TFAP2B: variants seen among roughly 807,000 people sequenced by gnomAD.
TFAP2B encodes the protein transcription factor AP-2 beta, also known as transcription factor AP-2-beta.
TFAP2B carries 9 observed loss-of-function variants against 44.3 expected under a neutral mutation model. That is an observed-to-expected ratio of 0.20 (90% CI 0.12 to 0.35). TFAP2B has a LOEUF of 0.35. Among genes scored for constraint, TFAP2B ranks in the 10% least tolerant of loss-of-function variants. TFAP2B has a pLI of 1.00. For synonymous variants in TFAP2B, 270 were observed against 263.8 expected, an observed-to-expected ratio of 1.02 and a Z score of -0.23; for missense variants, 509 against 600.0, an observed-to-expected ratio of 0.85 and a Z score of 1.59.
chr6:50,834,437 A>C (rs975861961), intron 3 of TFAP2B, among the ~76,000 whole-genome samples: 2 of 152,242 alleles, frequency 1.3e-5, no homozygotes, highest in Non-Finnish European at 2.9e-5. Flanking sequence ...TAGTAGCAGA[A>C]GGGAATGTTT....
At chr6:50,837,420 A>G (rs1762644347) in intron 4 of TFAP2B, among the ~76,000 whole-genome samples, 2 of 152,226 alleles carry the variant, frequency 1.3e-5, no homozygotes, top group South Asian at 4.1e-4. Context: ...TGCTTATCAC[A>G]TAACTACACT....
At position 50,843,322 on chromosome 6, in the gene TFAP2B, C is replaced by G; in HGVS notation, c.1313C>G (p.Thr438Ser). The G allele has an allele frequency of 1.9e-6, 3 of 1,614,138 alleles. No homozygotes were observed. Among genetic ancestry groups the G allele is most frequent in the Non-Finnish European group, 8.5e-7 (1 of 1,180,046 alleles). ...MDKMFLNNTT[T>S]NRHTSGEGPG... ...AAGATGTTCTTGAACAACACCACCA[C>G]TAACAGGCACACGTCTGGGGAAGGC... The change falls in exon 7 of 7, where the codon ACT becomes AGT. Residue 438 changes from threonine to serine, a missense_variant. This residue lies in a region of TFAP2B where 168 missense variants were observed against 183.2 expected (regional missense o/e 0.92). Coordinates refer to ENST00000393655, the MANE Select transcript of TFAP2B (RefSeq NM_003221.4).
In TFAP2B at chr6:50,823,398, C is replaced by G. The variant is rs375978999; in HGVS notation, c.82-9C>G. ...CTGGCTCTCTTCCCCTTCCTCTCTC[C>G]GCTCCCAGGACCGGCACGATGGTGT... On this transcript the variant is annotated splice_polypyrimidine_tract_variant and intron_variant, in intron 1 of 6. Transcript: ENST00000393655. 14 of 1,576,438 alleles carry G rather than the reference C, an allele frequency of 8.9e-6. No homozygotes were observed. The highest frequency in any genetic ancestry group is 1.1e-5 in the Non-Finnish European group (13 of 1,161,376).
chr6:50,837,384 G>A (rs1403247206), intron 4 of TFAP2B, among the ~76,000 whole-genome samples: 2 of 152,162 alleles, frequency 1.3e-5, no homozygotes, highest in African/African-American at 4.8e-5. Context: ...AATTTGCAGA[G>A]ATGAAGTAAA....
At chr6:50,820,391 G>C (rs76542336) in intron 1 of TFAP2B, among the ~76,000 whole-genome samples, 1 of 151,280 alleles carries the variant, frequency 6.6e-6, no homozygotes, top group African/African-American at 2.4e-5. Flanking sequence ...CACACCTCCT[G>C]CCCCCCCCCG....
chr6:50,823,538 AC>A lies in TFAP2B; in HGVS notation c.219del (p.Tyr74ThrfsTer22). On this transcript the variant is annotated frameshift_variant, in exon 2 of 7. Transcript: ENST00000393655. LOFTEE classifies it high-confidence loss of function. Reference sequence around the variant, plus strand: ...CGGACTTCCAGCCGCCCTACTTCCCACCCCCCTACCAGCCGCTCCCCTACCA... The same window carrying A: ...CGGACTTCCAGCCGCCCTACTTCCCACCCCCTACCAGCCGCTCCCCTACCA... Reference protein sequence around the residue: ...SSDFQPPYFPPPYQPLPYHQS... With the variant: ...SSDFQPPYFPXPYQPLPYHQS... 2 of 1,575,540 alleles carry A rather than the reference AC, an allele frequency of 1.3e-6. No homozygotes were observed. Among genetic ancestry groups the A allele is most frequent in the Non-Finnish European group, 1.7e-6 (2 of 1,164,428 alleles).
chr6:50,836,319 AC>A (rs750275806), intron 4 of TFAP2B, 39 bp downstream of exon 4: 12 of 1,548,482 alleles, frequency 7.7e-6, no homozygotes, highest in Non-Finnish European at 1.1e-5. Flanking sequence ...AAACAAAAAA[AC>A]AAACAAAAAC....
intron 1 of TFAP2B, among the ~76,000 whole-genome samples, chr6:50,820,264 G>C (rs944274328): frequency 6.6e-6 from 1 of 152,212 alleles, no homozygotes; most frequent in South Asian, 2.1e-4. Flanking sequence ...GACAGCTCCT[G>C]AAAGCCCGGC....
chr6:50,831,934 T>A (rs868657415), intron 3 of TFAP2B, among the ~76,000 whole-genome samples: 1 of 152,200 alleles, frequency 6.6e-6, no homozygotes, highest in Non-Finnish European at 1.5e-5. Flanking sequence ...CAGTTCATCC[T>A]CCATTCTCTC....
chr6:50,832,509 G>C (rs529699351), intron 3 of TFAP2B, among the ~76,000 whole-genome samples: 12 of 152,240 alleles, frequency 7.9e-5, no homozygotes, highest in Non-Finnish European at 1.8e-4. Context: ...TTACACTCAG[G>C]TACATGAGGA....
At position 50,843,319 on chromosome 6, in the gene TFAP2B, C is replaced by G; in HGVS notation, c.1310C>G (p.Thr437Ser). 8 of 1,614,130 alleles carry G rather than the reference C, an allele frequency of 5.0e-6. No homozygotes were observed. The highest frequency in any genetic ancestry group is 1.7e-5 in the Admixed American group (1 of 60,020). ...GMDKMFLNNT[T>S]TNRHTSGEGP... Reference sequence around the variant, plus strand: ...GACAAGATGTTCTTGAACAACACCACCACTAACAGGCACACGTCTGGGGAA... The same window carrying G: ...GACAAGATGTTCTTGAACAACACCAGCACTAACAGGCACACGTCTGGGGAA... The change falls in exon 7 of 7, where the codon ACC (threonine) becomes AGC (serine). Residue 437 changes from threonine (T) to serine (S), a missense_variant. Thr to Ser is a moderately conservative substitution (Grantham distance 58). Transcript: ENST00000393655.
chr6:50,836,446 G>A (rs1209673399), intron 4 of TFAP2B, among the ~76,000 whole-genome samples, 166 bp downstream of exon 4: 1 of 152,234 alleles, frequency 6.6e-6, no homozygotes, highest in East Asian at 1.9e-4. Flanking sequence ...CGCAGCGCTT[G>A]GGAGGATCCG....
chr6:50,823,951 T>G, intron 2 of TFAP2B, 86 bp downstream of exon 2: 1 of 1,405,866 alleles, frequency 7.1e-7, no homozygotes, highest in Non-Finnish European at 9.7e-7. Context: ...AGAGGGCAGC[T>G]CTGTCTCTTT....
At chr6:50,825,408 C>A (rs1013344474) in intron 2 of TFAP2B, among the ~76,000 whole-genome samples, 14 of 151,986 alleles carry the variant, frequency 9.2e-5, no homozygotes, top group African/African-American at 3.4e-4. Context: ...AACTCATCAC[C>A]ATTACTGTTG....
At position 50,843,481 on chromosome 6, in the gene TFAP2B, G is replaced by A. The variant is rs372130507; in HGVS notation, c.*89G>A. ...ATTTTAGCTTTAAAATATTGGATTG[G>A]CTTTGGAAGAATTATATTAGGTAGA... On this transcript the variant is annotated 3_prime_UTR_variant, in exon 7 of 7. Coordinates refer to ENST00000393655, the MANE Select transcript of TFAP2B (RefSeq NM_003221.4). The A allele has an allele frequency of 5.9e-6, 8 of 1,364,124 alleles. No homozygotes were observed. The East Asian group carries it at 1.0e-4, about 17-fold the overall frequency. 84.5% of individuals were successfully genotyped at this position (1,364,124 alleles called of 1,614,324 possible).
chr6:50,829,210 G>A (rs1414850090), intron 3 of TFAP2B, among the ~76,000 whole-genome samples: 1 of 152,128 alleles, frequency 6.6e-6, no homozygotes, highest in Non-Finnish European at 1.5e-5. Context: ...CTGAGAAGCT[G>A]AGACAGCCTA....
intron 2 of TFAP2B, among the ~76,000 whole-genome samples, chr6:50,826,944 G>A (rs1385603552): frequency 2.0e-5 from 3 of 152,130 alleles, no homozygotes; most frequent in Non-Finnish European, 2.9e-5. Context: ...AAATCTTTAC[G>A]ATCCTCCCTG....
At chr6:50,838,679 GT>G (rs774265717) in intron 5 of TFAP2B, among the ~76,000 whole-genome samples, 4 of 152,162 alleles carry the variant, frequency 2.6e-5, no homozygotes, top group African/African-American at 7.2e-5. Context: ...TTCATCAATT[GT>G]GAATTATAGG....
intron 2 of TFAP2B, among the ~76,000 whole-genome samples, chr6:50,825,769 G>A (rs1770485605): frequency 6.6e-6 from 1 of 152,148 alleles, no homozygotes; most frequent in Non-Finnish European, 1.5e-5. Flanking sequence ...GCCACTTGCA[G>A]GCTCTCCACT....
Sources: allele counts gnomAD v4.1 joint callset (sites outside exome capture counted in the v4.1 genomes callset), GRCh38; gene constraint gnomAD v4.1.1; regional missense constraint gnomAD v4.1.1; transcripts MANE v1.5; gene names NCBI Gene and HGNC (gene_info 2026-07-23, HGNC 2026-07-21).